EPB41L4A: variants seen among roughly 807,000 people sequenced by gnomAD.
EPB41L4A encodes band 4.1-like protein 4A.
EPB41L4A carries 100 observed loss-of-function variants against 108.6 expected under a neutral mutation model. The ratio of observed to expected loss-of-function variants is 0.92; its 90% CI spans 0.78 to 1.09. The LOEUF is 1.09. Ranked by LOEUF, EPB41L4A falls within the 50% of genes least tolerant of loss-of-function variation. The pLI is 0.00. For synonymous variants in EPB41L4A, 319 were observed against 289.0 expected (o/e 1.10, Z -1.05); for missense variants, 1,030 against 842.7 (o/e 1.22, Z -2.75).
intron 2 of EPB41L4A, among the ~76,000 whole-genome samples, chr5:112,301,361 C>G (rs1441123649): frequency 3.3e-5 from 5 of 152,138 alleles, no homozygotes; most frequent in Non-Finnish European, 7.4e-5. Flanking sequence ...GTAGCACTCT[C>G]CCCCTTTTCC....
chr5:112,405,672 G>A (rs1032273222), intron 1 of EPB41L4A, among the ~76,000 whole-genome samples: 15 of 152,078 alleles, frequency 9.9e-5, no homozygotes, highest in African/African-American at 3.6e-4. Flanking sequence ...TTTCAGATAA[G>A]GCACAGTTCA....
intron 1 of EPB41L4A, among the ~76,000 whole-genome samples, chr5:112,362,399 G>A (rs929381217): frequency 6.6e-5 from 10 of 151,404 alleles, no homozygotes; most frequent in Non-Finnish European, 1.2e-4. Context: ...TCCTGCCTCA[G>A]CCTCCCGAGT....
At chr5:112,152,624 T>C (rs1759510238) in intron 12 of EPB41L4A, among the ~76,000 whole-genome samples, 1 of 152,114 alleles carries the variant, frequency 6.6e-6, no homozygotes, top group Admixed American at 6.5e-5. Flanking sequence ...TCCAAAACTG[T>C]AAAAAATAAA....
chr5:112,360,685 C>T (rs963057634), intron 1 of EPB41L4A, among the ~76,000 whole-genome samples: 3 of 152,206 alleles, frequency 2.0e-5, no homozygotes, highest in East Asian at 1.9e-4. Context: ...AGCCTCTGCC[C>T]GGCTGCCACC....
chr5:112,341,647 C>T (rs922412020), intron 1 of EPB41L4A, among the ~76,000 whole-genome samples: 1 of 152,082 alleles, frequency 6.6e-6, no homozygotes, highest in Non-Finnish European at 1.5e-5. Flanking sequence ...TGCAGTTGCT[C>T]ACGCCCATAA....
At chr5:112,301,329 T>C (rs1175076868) in intron 2 of EPB41L4A, among the ~76,000 whole-genome samples, 1 of 152,200 alleles carries the variant, frequency 6.6e-6, no homozygotes, top group Non-Finnish European at 1.5e-5. Flanking sequence ...GATTCTTTTG[T>C]CCCATGGGGT....
At chr5:112,360,732 C>T (rs1484456657) in intron 1 of EPB41L4A, among the ~76,000 whole-genome samples, 7 of 152,202 alleles carry the variant, frequency 4.6e-5, no homozygotes, top group Admixed American at 4.6e-4. Context: ...GCCCGGCTGC[C>T]CAGTCTGGGA....
At chr5:112,316,012 G>A (rs1318348874) in intron 1 of EPB41L4A, among the ~76,000 whole-genome samples, 2 of 152,138 alleles carry the variant, frequency 1.3e-5, no homozygotes, top group East Asian at 3.8e-4. Flanking sequence ...TAGCAAATGA[G>A]ATAGATTACT....
intron 1 of EPB41L4A, among the ~76,000 whole-genome samples, chr5:112,384,768 A>C (rs983374192): frequency 6.8e-6 from 1 of 147,878 alleles, no homozygotes; most frequent in South Asian, 2.2e-4. Flanking sequence ...AGAGAAACGG[A>C]AGGAAGGAAG....
chr5:112,184,165 A>G, intron 17 of EPB41L4A, 30 bp from the exon 18 acceptor site: 1 of 1,611,956 alleles, frequency 6.2e-7, no homozygotes, highest in South Asian at 1.1e-5. Context: ...TCTGAAGTTA[A>G]CATCTACATG....
intron 19 of EPB41L4A, 152 bp from the exon 20 acceptor site, chr5:112,170,521 A>G (rs541773176): frequency 1.8e-5 from 11 of 601,078 alleles, no homozygotes; most frequent in Non-Finnish European, 2.9e-5. Context: ...AACGTGTTCA[A>G]GGAAAAATAG....
At chr5:112,209,832 GA>G (rs1762645115) in intron 13 of EPB41L4A, 59 bp downstream of exon 13, 4 of 1,082,016 alleles carry the variant, frequency 3.7e-6, no homozygotes, top group Admixed American at 2.0e-5. Flanking sequence ...CTTGTCTACA[GA>G]AAAAAAGCAT....
chr5:112,185,849 G>A (rs1761400652), intron 17 of EPB41L4A, among the ~76,000 whole-genome samples: 1 of 152,080 alleles, frequency 6.6e-6, no homozygotes, highest in African/African-American at 2.4e-5. Context: ...CGTGTGTGCT[G>A]TAAACACACA....
intron 1 of EPB41L4A, among the ~76,000 whole-genome samples, chr5:112,339,477 T>TAGCTATATATCGATATATAGCTATAG (rs1757128274): frequency 8.1e-4 from 9 of 11,132 alleles, no homozygotes. Context: ...TATATATCTA[T>TAGCTATATATCGATATATAGCTATAG]ATATATATAT....
intron 1 of EPB41L4A, among the ~76,000 whole-genome samples, chr5:112,369,918 G>A (rs575522577): frequency 6.6e-6 from 1 of 152,322 alleles, no homozygotes; most frequent in East Asian, 1.9e-4. Flanking sequence ...CACCTCTGAG[G>A]TGTAGGTCTG....
At chr5:112,211,865 G>T (rs1012927420) in intron 12 of EPB41L4A, among the ~76,000 whole-genome samples, 11 of 152,184 alleles carry the variant, frequency 7.2e-5, no homozygotes, top group Admixed American at 7.2e-4. Flanking sequence ...TATCTGAATT[G>T]TGTTCCTATT....
chr5:112,211,598 A>G (rs564018979), intron 12 of EPB41L4A, among the ~76,000 whole-genome samples: 1 of 152,044 alleles, frequency 6.6e-6, no homozygotes, highest in Non-Finnish European at 1.5e-5. Flanking sequence ...AAAAAAAAAA[A>G]AAAAACCCAC....
chr5:112,348,121 C>T (rs1757805170), intron 1 of EPB41L4A, among the ~76,000 whole-genome samples: 1 of 152,212 alleles, frequency 6.6e-6, no homozygotes, highest in Non-Finnish European at 1.5e-5. Context: ...ACCTATTACA[C>T]TTTTCTCTAT....
At chr5:112,150,028 A>G (rs1056674508) in intron 12 of EPB41L4A, among the ~76,000 whole-genome samples, 5 of 152,192 alleles carry the variant, frequency 3.3e-5, no homozygotes, top group Admixed American at 6.5e-5. Flanking sequence ...CAGAAGAGAA[A>G]CAGTAGGGAT....
Sources: gnomAD v4.1 joint callset for allele counts (sites outside exome capture counted in the v4.1 genomes callset) on GRCh38, gnomAD v4.1.1 for gene constraint, MANE v1.5 for transcripts, NCBI Gene and HGNC (gene_info 2026-07-23, HGNC 2026-07-21) for gene names.